The following BRMS1L variants were observed in gnomAD, a reference collection of about 807,000 sequenced individuals.
The protein encoded by BRMS1L is breast cancer metastasis-suppressor 1-like protein.
BRMS1L carries 23 observed loss-of-function variants against 50.3 expected under a neutral mutation model. The ratio of observed to expected loss-of-function variants is 0.46; its 90% CI spans 0.33 to 0.65. The LOEUF (loss-of-function observed/expected upper bound fraction) is 0.65. Among genes scored for constraint, BRMS1L ranks in the 30% least tolerant of loss-of-function variants. The pLI is 0.02. For synonymous variants in BRMS1L, 114 were observed against 126.9 expected, an observed-to-expected ratio of 0.90 and a Z score of 0.69; for missense variants, 286 against 386.1, an observed-to-expected ratio of 0.74 and a Z score of 2.17.
At chr14:35,870,056 GTT>G (rs61062353) in intron 9 of BRMS1L, among the ~76,000 whole-genome samples, 11 of 136,332 alleles carry the variant, frequency 8.1e-5, no homozygotes, top group Admixed American at 1.5e-4. Flanking sequence ...TTTAGCTCCA[GTT>G]TTTTTTTTTT....
chr14:35,852,671 C>T (rs2078226477), intron 4 of BRMS1L, among the ~76,000 whole-genome samples: 1 of 152,160 alleles, frequency 6.6e-6, no homozygotes, highest in African/African-American at 2.4e-5. Context: ...GTGGCTCACG[C>T]CTGTAATCCC....
At chr14:35,860,200 G>T (rs1226027597) in intron 4 of BRMS1L, among the ~76,000 whole-genome samples, 1 of 152,034 alleles carries the variant, frequency 6.6e-6, no homozygotes, top group Non-Finnish European at 1.5e-5. Context: ...CATGATCTCG[G>T]CTTACTGCAA....
At chr14:35,851,735 C>T (rs992344912) in intron 4 of BRMS1L, among the ~76,000 whole-genome samples, 5 of 152,172 alleles carry the variant, frequency 3.3e-5, no homozygotes, top group Non-Finnish European at 1.5e-5. Flanking sequence ...TTTTGGAAAA[C>T]AGTATGGAGG....
intron 4 of BRMS1L, among the ~76,000 whole-genome samples, chr14:35,853,482 T>C (rs1218714913): frequency 6.6e-6 from 1 of 152,070 alleles, no homozygotes; most frequent in Non-Finnish European, 1.5e-5. Flanking sequence ...GGTGTGATCG[T>C]GGCTCACTGC....
At chr14:35,837,180 A>G (rs2078006107) in intron 4 of BRMS1L, among the ~76,000 whole-genome samples, 1 of 152,018 alleles carries the variant, frequency 6.6e-6, no homozygotes, top group Admixed American at 6.6e-5. Context: ...GCTTGAACCC[A>G]GGAGGCGGGG....
At chr14:35,867,821 A>G in intron 8 of BRMS1L, 85 bp from the exon 9 acceptor site, 1 of 1,316,780 alleles carries the variant, frequency 7.6e-7, no homozygotes. Flanking sequence ...ATATGCATGG[A>G]TTGATGTTAA....
At chr14:35,846,192 G>T (rs1216829354) in intron 4 of BRMS1L, among the ~76,000 whole-genome samples, 1 of 151,854 alleles carries the variant, frequency 6.6e-6, no homozygotes, top group African/African-American at 2.4e-5. Context: ...TTTGAGACTA[G>T]CCTGGGTAAC....
At chr14:35,864,678 A>C (rs2078398338) in intron 6 of BRMS1L, among the ~76,000 whole-genome samples, 1 of 152,164 alleles carries the variant, frequency 6.6e-6, no homozygotes, top group South Asian at 2.1e-4. Context: ...CTCCACCTTA[A>C]AAACCAGTGA....
In BRMS1L at chr14:35,831,442, A is replaced by G; in HGVS notation, c.175A>G (p.Met59Val). ...MDDEDCERRR[M>V]ECLDEMSNLE... ...TGATGAAGACTGTGAAAGAAGAAGA[A>G]TGGAATGTTTGGATGAAATGTCCAA... The change falls in exon 2 of 10, where the codon ATG becomes GTG. Residue 59 changes from methionine to valine, a missense_variant. Met to Val is a conservative substitution (Grantham distance 21). This residue lies in a region of BRMS1L where 4 missense variants were observed against 19.4 expected (regional missense o/e 0.21). Coordinates refer to ENST00000216807, the MANE Select transcript of BRMS1L (RefSeq NM_032352.4). 6.2e-7 allele frequency: 1 copy of G among 1,613,908 alleles called. No individual in the cohort carries two copies. The highest frequency in any genetic ancestry group is 8.5e-7 in the Non-Finnish European group (1 of 1,179,846).
chr14:35,834,734 T>A (rs932842627), intron 3 of BRMS1L, 110 bp from the exon 4 acceptor site: 4 of 652,818 alleles, frequency 6.1e-6, no homozygotes, highest in Middle Eastern at 3.1e-4. Flanking sequence ...CACTTTTCAA[T>A]TTTTTCTTGA....
chr14:35,831,689 T>G (rs34375843), intron 2 of BRMS1L, among the ~76,000 whole-genome samples, 189 bp downstream of exon 2: 33,334 of 152,012 alleles, frequency 0.22, 4,075 homozygotes, highest in East Asian at 0.35. Flanking sequence ...GGAGGCAGGG[T>G]TTTTTTGTGG....
intron 4 of BRMS1L, among the ~76,000 whole-genome samples, chr14:35,856,430 G>C (rs1326672082): frequency 1.3e-5 from 2 of 152,122 alleles, no homozygotes; most frequent in African/African-American, 4.8e-5. Flanking sequence ...TAGGATTCAG[G>C]TTCTCGAGAA....
At chr14:35,863,433 G>T (rs2078378849) in intron 5 of BRMS1L, among the ~76,000 whole-genome samples, 1 of 152,286 alleles carries the variant, frequency 6.6e-6, no homozygotes, top group Admixed American at 6.5e-5. Flanking sequence ...GGTAGGCATG[G>T]TGGAGTCAGA....
At chr14:35,834,306 C>G (rs889838798) in intron 3 of BRMS1L, among the ~76,000 whole-genome samples, 1 of 152,080 alleles carries the variant, frequency 6.6e-6, no homozygotes, top group African/African-American at 2.4e-5. Flanking sequence ...TCTTGGGTAT[C>G]CATCCTCTAG....
intron 4 of BRMS1L, among the ~76,000 whole-genome samples, chr14:35,844,759 A>G (rs1160514769): frequency 1.3e-5 from 2 of 152,236 alleles, no homozygotes; most frequent in Admixed American, 1.3e-4. Context: ...CCTGGGCAAC[A>G]TAGCAAGACC....
intron 1 of BRMS1L, among the ~76,000 whole-genome samples, chr14:35,828,297 C>T (rs183708202): frequency 7.3e-4 from 110 of 151,284 alleles, no homozygotes; most frequent in Non-Finnish European, 1.3e-3. Flanking sequence ...CTTAGCCTCC[C>T]GAGTAGCTGT....
chr14:35,827,918 G>A (rs945781902), intron 1 of BRMS1L, among the ~76,000 whole-genome samples: 3 of 152,166 alleles, frequency 2.0e-5, no homozygotes, highest in Non-Finnish European at 4.4e-5. Flanking sequence ...AAGTACAAGG[G>A]CCAGAGTTTG....
intron 3 of BRMS1L, among the ~76,000 whole-genome samples, chr14:35,833,497 A>G (rs1210163042): frequency 6.6e-6 from 1 of 152,072 alleles, no homozygotes; most frequent in Non-Finnish European, 1.5e-5. Context: ...TTTTTAATTT[A>G]TAAAAAATTT....
chr14:35,856,708 C>T (rs1275644937), intron 4 of BRMS1L, among the ~76,000 whole-genome samples: 3 of 151,856 alleles, frequency 2.0e-5, no homozygotes, highest in African/African-American at 7.3e-5. Context: ...GCCTCCCAGG[C>T]TTAAGCTATT....
Sources: gnomAD v4.1 joint callset for allele counts (sites outside exome capture counted in the v4.1 genomes callset) on GRCh38, gnomAD v4.1.1 for gene constraint, gnomAD v4.1.1 regional missense constraint, MANE v1.5 for transcripts, NCBI Gene and HGNC (gene_info 2026-07-23, HGNC 2026-07-21) for gene names.